ZNF804B: variants seen among roughly 807,000 people sequenced by gnomAD.
The protein encoded by ZNF804B is zinc finger 804B.
In ZNF804B, 80 loss-of-function variants were observed where a neutral mutation model predicts 101.4. The observed-to-expected ratio is 0.79, with a 90% CI of 0.66 to 0.95. The LOEUF (loss-of-function observed/expected upper bound fraction) is 0.95, where lower values mean the gene tolerates loss of function less well. Among genes scored for constraint, ZNF804B ranks in the 40% least tolerant of loss-of-function variants. ZNF804B has a pLI of 0.00. For missense variants in ZNF804B, 1,673 were observed against 1,561.9 expected (o/e 1.07, Z -1.20); for synonymous variants, 622 against 558.8 (o/e 1.11, Z -1.59).
At chr7:88,780,156 CAA>C (rs1436704458) in intron 1 of ZNF804B, among the ~76,000 whole-genome samples, 1 of 151,878 alleles carries the variant, frequency 6.6e-6, no homozygotes, top group Admixed American at 6.6e-5. Context: ...GGCTTATATC[CAA>C]AAGACAGGGA....
chr7:89,293,317 T>C (rs999569869), intron 2 of ZNF804B, among the ~76,000 whole-genome samples: 2 of 152,154 alleles, frequency 1.3e-5, no homozygotes, highest in Non-Finnish European at 2.9e-5. Flanking sequence ...GTTAATTAGA[T>C]TGATTTGATA....
At position 89,217,772 on chromosome 7, in the gene ZNF804B, A is replaced by G. The variant is rs1020320751; in HGVS notation, c.109-383A>G. Among the ~76,000 whole-genome samples the G allele has an allele frequency of 5.3e-5, 8 of 152,190 alleles. No individual in the cohort carries two copies. The South Asian group carries it at 1.4e-3, about 28-fold the overall frequency. The stretch of plus-strand genomic sequence containing the variant: ...ATGGGAGAGCATATGAAATGGATAA[A>G]TCATTTGGCTGAAGATAGAATTGCA... On this transcript the variant is annotated intron_variant, in intron 1 of 3. Coordinates refer to ENST00000333190, the MANE Select transcript of ZNF804B (RefSeq NM_181646.5).
intron 1 of ZNF804B, among the ~76,000 whole-genome samples, chr7:89,181,567 G>C (rs1208872560): frequency 6.6e-6 from 1 of 152,140 alleles, no homozygotes; most frequent in East Asian, 1.9e-4. Flanking sequence ...CACTTCTGCG[G>C]AATGGGGGAG....
chr7:88,762,979 T>C (rs181620758), intron 1 of ZNF804B, among the ~76,000 whole-genome samples: 19 of 152,280 alleles, frequency 1.2e-4, no homozygotes, highest in African/African-American at 4.3e-4. Context: ...CAATTATTGG[T>C]TAAGACTACT....
chr7:89,283,167 G>A (rs1790126225), intron 2 of ZNF804B, among the ~76,000 whole-genome samples: 1 of 151,954 alleles, frequency 6.6e-6, no homozygotes, highest in Admixed American at 6.6e-5. Flanking sequence ...AGAAGGTCCT[G>A]AAAGTAATCC....
chr7:88,803,189 A>C (rs907487902), intron 1 of ZNF804B, among the ~76,000 whole-genome samples: 28 of 151,994 alleles, frequency 1.8e-4, no homozygotes, highest in African/African-American at 6.8e-4. Context: ...AGGCTATTGC[A>C]ATGGTTTGGT....
At chr7:88,794,640 C>G in intron 1 of ZNF804B, 1 of 1,613,748 alleles carries the variant, frequency 6.2e-7, no homozygotes, top group Non-Finnish European at 8.5e-7. Context: ...CGCTGGAGGA[C>G]TCGAGGATAT....
At chr7:89,062,565 C>T (rs892426640) in intron 1 of ZNF804B, among the ~76,000 whole-genome samples, 22 of 151,442 alleles carry the variant, frequency 1.5e-4, no homozygotes, top group Non-Finnish European at 2.7e-4. Context: ...AAGACTATAC[C>T]GTATTATTTT....
At chr7:89,248,779 C>G (rs200660258) in intron 2 of ZNF804B, among the ~76,000 whole-genome samples, 1 of 151,990 alleles carries the variant, frequency 6.6e-6, no homozygotes, top group African/African-American at 2.4e-5. Flanking sequence ...ATCAACCTCA[C>G]GTATCAATAT....
At chr7:89,227,815 C>T (rs1272853426) in intron 2 of ZNF804B, among the ~76,000 whole-genome samples, 1 of 152,108 alleles carries the variant, frequency 6.6e-6, no homozygotes, top group Non-Finnish European at 1.5e-5. Flanking sequence ...GAACAACTTG[C>T]CTTTGGATGG....
intron 1 of ZNF804B, among the ~76,000 whole-genome samples, chr7:88,897,292 G>A (rs1404040363): frequency 6.6e-6 from 1 of 152,164 alleles, no homozygotes; most frequent in Non-Finnish European, 1.5e-5. Flanking sequence ...GGGAAAAGAT[G>A]TCACAGATGT....
intron 3 of ZNF804B, among the ~76,000 whole-genome samples, chr7:89,332,568 G>C (rs58802526): frequency 1.3e-5 from 2 of 151,644 alleles, no homozygotes; most frequent in Non-Finnish European, 2.9e-5. Context: ...CTGTTAAAGG[G>C]CATATAATTT....
At chr7:89,258,279 T>G (rs779733719) in intron 2 of ZNF804B, among the ~76,000 whole-genome samples, 7 of 152,040 alleles carry the variant, frequency 4.6e-5, no homozygotes, top group Non-Finnish European at 8.8e-5. Flanking sequence ...TTGGTAACCA[T>G]AGGGATCCTG....
At chr7:89,132,338 C>G (rs1354875665) in intron 1 of ZNF804B, among the ~76,000 whole-genome samples, 1 of 151,896 alleles carries the variant, frequency 6.6e-6, no homozygotes, top group Non-Finnish European at 1.5e-5. Flanking sequence ...AACAAAGACG[C>G]TATCTTGAAG....
At chr7:89,072,433 G>C (rs1370558993) in intron 1 of ZNF804B, among the ~76,000 whole-genome samples, 1 of 152,100 alleles carries the variant, frequency 6.6e-6, no homozygotes, top group Admixed American at 6.6e-5. Context: ...AATGAGCTCT[G>C]TACTACATTT....
intron 1 of ZNF804B, among the ~76,000 whole-genome samples, chr7:88,765,947 A>G (rs1789976741): frequency 6.6e-6 from 1 of 152,206 alleles, no homozygotes; most frequent in African/African-American, 2.4e-5. Flanking sequence ...TCTACCTTAG[A>G]CAGCATTTTC....
At chr7:89,017,088 C>T (rs577947082) in intron 1 of ZNF804B, among the ~76,000 whole-genome samples, 7 of 152,146 alleles carry the variant, frequency 4.6e-5, no homozygotes, top group Non-Finnish European at 8.8e-5. Context: ...ATTTTATTCT[C>T]TTTGAAGCAA....
At chr7:88,998,031 C>T (rs1306814586) in intron 1 of ZNF804B, among the ~76,000 whole-genome samples, 2 of 152,058 alleles carry the variant, frequency 1.3e-5, no homozygotes, top group Non-Finnish European at 2.9e-5. Context: ...CCTTTGTCAT[C>T]CTTGGCCTCA....
At chr7:89,231,582 A>G (rs528503897) in intron 2 of ZNF804B, among the ~76,000 whole-genome samples, 2 of 152,106 alleles carry the variant, frequency 1.3e-5, no homozygotes, top group Admixed American at 1.3e-4. Flanking sequence ...TTATACATAT[A>G]TGTCTCTGTT....
Sources: gnomAD v4.1 joint callset for allele counts (sites outside exome capture counted in the v4.1 genomes callset) on GRCh38, gnomAD v4.1.1 for gene constraint, MANE v1.5 for transcripts, NCBI Gene and HGNC (gene_info 2026-07-23, HGNC 2026-07-21) for gene names.